AGAP1: variants seen among roughly 807,000 people sequenced by gnomAD.
AGAP1 encodes the protein ArfGAP with GTPase domain, ankyrin repeat and PH domain 1.
AGAP1 carries 29 observed loss-of-function variants against 105.3 expected under a neutral mutation model. The ratio of observed to expected loss-of-function variants is 0.28; its 90% CI spans 0.21 to 0.38. AGAP1 has a LOEUF of 0.38. AGAP1 is among the 10% of genes least tolerant of loss of function. The probability of loss-of-function intolerance (pLI) is 1.00; values close to 1 mark genes in which losing one functional copy is unlikely to be tolerated. For synonymous variants in AGAP1, 509 were observed against 485.9 expected (o/e 1.05, Z -0.63); for missense variants, 998 against 1,165.1 (o/e 0.86, Z 2.09).
intron 1 of AGAP1, among the ~76,000 whole-genome samples, chr2:235,496,844 C>G (rs1028003934): frequency 1.3e-5 from 2 of 151,764 alleles, no homozygotes; most frequent in South Asian, 2.1e-4. Flanking sequence ...ATTTTAGGCC[C>G]CTTCTTGGCC....
Position 235,739,444 on chromosome 2 carries a change from C to T in AGAP1, c.311-1519C>T, listed in dbSNP as rs1952447939. On this transcript the variant is annotated intron_variant, in intron 3 of 17. Transcript: ENST00000304032. This position sits in a 1 kb window ranked among gnomAD's most constrained non-coding sequence, Gnocchi z 5.3. ...TGTCTGGACCCAGCGGCCTGACTGG[C>T]CTGGATGTGTCCCCTGCTAACGGGC... Among the ~76,000 whole-genome samples the T allele has an allele frequency of 6.6e-6, 1 of 152,234 alleles. No individual in the cohort carries two copies. The highest frequency in any genetic ancestry group is 1.5e-5 in the Non-Finnish European group (1 of 68,048).
intron 1 of AGAP1, among the ~76,000 whole-genome samples, chr2:235,512,646 C>T (rs1354450501): frequency 6.6e-6 from 1 of 152,192 alleles, no homozygotes; most frequent in East Asian, 1.9e-4. Context: ...CTCCCCCATT[C>T]CTGCCTTGAT....
At chr2:235,837,168 A>G (rs1960267117) in intron 9 of AGAP1, among the ~76,000 whole-genome samples, 1 of 152,206 alleles carries the variant, frequency 6.6e-6, no homozygotes, top group Non-Finnish European at 1.5e-5. Context: ...TATTTTTAGT[A>G]GAGACAGGCT....
chr2:235,805,095 G>T (rs927871166), intron 8 of AGAP1, among the ~76,000 whole-genome samples: 12 of 152,338 alleles, frequency 7.9e-5, no homozygotes, highest in Middle Eastern at 3.4e-3. Context: ...TAATTGTGGG[G>T]CTGAGGTACA....
rs2054613455 is a variant in AGAP1, at chr2:235,970,844, G to A, written c.1645+2221G>A. Among the ~76,000 whole-genome samples, 1 of 152,208 alleles carries A rather than the reference G, an allele frequency of 6.6e-6. No homozygotes were observed. The highest frequency in any genetic ancestry group is 2.4e-5 in the African/African-American group (1 of 41,452). ...GCCTGATGTTTCAGGTCCACTTGCT[G>A]AGTGAGTGGGATGGTATGTGTGTGC... On this transcript the variant is annotated intron_variant, in intron 13 of 17. Coordinates refer to ENST00000304032, the MANE Select transcript of AGAP1 (RefSeq NM_001037131.3). This position sits in a 1 kb window ranked among gnomAD's most constrained non-coding sequence, Gnocchi z 5.4.
In AGAP1 at chr2:235,577,684, G is replaced by A. The variant is rs996442420; in HGVS notation, c.163+82835G>A. ...ATTCGGAACATTCGCCGAGTGGAAC[G>A]TGTGTGTCGTCATCCCCTCGAAGGC... is the stretch of plus-strand genomic sequence containing the variant. On this transcript the variant is annotated intron_variant, in intron 1 of 17. Transcript: ENST00000304032. This position sits in a 1 kb window ranked among gnomAD's most constrained non-coding sequence, Gnocchi z 4.5. Among the ~76,000 whole-genome samples the A allele has an allele frequency of 4.6e-5, 7 of 152,152 alleles. No homozygotes were observed. Among genetic ancestry groups the A allele is most frequent in the Non-Finnish European group, 5.9e-5 (4 of 68,040 alleles).
chr2:235,922,472 C>A (rs1036045864), intron 11 of AGAP1, among the ~76,000 whole-genome samples: 1 of 152,094 alleles, frequency 6.6e-6, no homozygotes, highest in African/African-American at 2.4e-5. Context: ...TATTATTTTC[C>A]TAGTTAAATG....
In AGAP1 at chr2:235,855,846, G is replaced by A. The variant is rs866702672; in HGVS notation, c.1051-27499G>A. Among the ~76,000 whole-genome samples the A allele has an allele frequency of 5.3e-5, 8 of 152,220 alleles. No homozygotes were observed. The highest frequency in any genetic ancestry group is 1.2e-4 in the African/African-American group (5 of 41,512). On this transcript the variant is annotated intron_variant, in intron 9 of 17. Coordinates refer to ENST00000304032, the MANE Select transcript of AGAP1 (RefSeq NM_001037131.3). The surrounding 1 kb of genome is among the most constrained non-coding windows in gnomAD (Gnocchi z 5.0). The stretch of plus-strand genomic sequence containing the variant: ...TACCCTATGAGGTCTCTAGATGCAC[G>A]GAGGCTACTGCATTCCCAGGGGGTC...
Position 235,744,649 on chromosome 2 carries a change from C to T in AGAP1, c.397-49C>T, listed in dbSNP as rs747025468. 12 of 1,609,650 alleles carry T rather than the reference C, an allele frequency of 7.5e-6. No individual in the cohort carries two copies. The highest frequency in any genetic ancestry group is 9.3e-6 in the Non-Finnish European group (11 of 1,177,188). On this transcript the variant is annotated intron_variant, in intron 4 of 17. Coordinates refer to ENST00000304032, the MANE Select transcript of AGAP1 (RefSeq NM_001037131.3). The surrounding 1 kb of genome is among the most constrained non-coding windows in gnomAD (Gnocchi z 5.2). The stretch of plus-strand genomic sequence containing the variant: ...CCATGCAGACATCTCTGTTCTTAAT[C>T]AAGCCTGCTCACTCAGCTCCTGCTC...
At chr2:235,501,363 T>C (rs982454760) in intron 1 of AGAP1, among the ~76,000 whole-genome samples, 1 of 152,204 alleles carries the variant, frequency 6.6e-6, no homozygotes, top group South Asian at 2.1e-4. Context: ...ATATTTAGAT[T>C]GGGTTCTTCA....
rs561805036 is a variant in AGAP1, at chr2:235,802,963, T to C, written c.957+3441T>C. On this transcript the variant is annotated intron_variant, in intron 8 of 17. Coordinates refer to ENST00000304032, the MANE Select transcript of AGAP1 (RefSeq NM_001037131.3). ...GTTGTAATGGTGGTGATGATGGTTG[T>C]GATGATGGTTGTGGTTGTGATGGTT... Among the ~76,000 whole-genome samples, 6 of 150,810 alleles carry C rather than the reference T, an allele frequency of 4.0e-5. No individual in the cohort carries two copies. The South Asian group carries it at 8.4e-4, about 21-fold the overall frequency.
chr2:235,807,753 T>C (rs1254411059), intron 9 of AGAP1, among the ~76,000 whole-genome samples: 1 of 152,218 alleles, frequency 6.6e-6, no homozygotes, highest in Non-Finnish European at 1.5e-5. Context: ...TGTTTCAGGC[T>C]GGTTTGTAAC....
chr2:235,744,671 G>A lies in AGAP1; in HGVS notation c.397-27G>A. 1.9e-6 allele frequency: 3 copies of A among 1,613,674 alleles called. No homozygotes were observed. The highest frequency in any genetic ancestry group is 2.5e-6 in the Non-Finnish European group (3 of 1,179,782). ...AATCAAGCCTGCTCACTCAGCTCCT[G>A]CTCTCCTCCCCTTCTTCTCTCCCTA... On this transcript the variant is annotated intron_variant, in intron 4 of 17. Coordinates refer to ENST00000304032, the MANE Select transcript of AGAP1 (RefSeq NM_001037131.3). This position sits in a 1 kb window ranked among gnomAD's most constrained non-coding sequence, Gnocchi z 5.2.
intron 1 of AGAP1, among the ~76,000 whole-genome samples, chr2:235,512,353 T>C (rs1193241949): frequency 1.3e-5 from 2 of 152,148 alleles, no homozygotes; most frequent in Non-Finnish European, 2.9e-5. Context: ...TCCCAACACT[T>C]TGGGAGACCG....
chr2:235,711,296 G>T lies in AGAP1; in HGVS notation c.222+2059G>T, dbSNP rs181715625. 6.5e-4 allele frequency among the ~76,000 whole-genome samples: 99 copies of T among 152,350 alleles called. 2 individuals are homozygous for T. In the East Asian group the frequency reaches 0.017, roughly 26 times the overall value. ...CTACTGCCAGCATTACAGACTAACTGATCGTCAAGTATTGAACCACCTGAC... is the reference window on the plus strand; with the variant it reads ...CTACTGCCAGCATTACAGACTAACTTATCGTCAAGTATTGAACCACCTGAC... On this transcript the variant is annotated intron_variant, in intron 2 of 17. Transcript: ENST00000304032.
rs1223736773 is a variant in AGAP1, at chr2:235,976,913, G to A, written c.1645+8290G>A. Among the ~76,000 whole-genome samples the A allele has an allele frequency of 6.6e-6, 1 of 152,174 alleles. No homozygotes were observed. The highest frequency in any genetic ancestry group is 1.9e-4 in the East Asian group (1 of 5,196). The stretch of plus-strand genomic sequence containing the variant: ...TAAAGAGGTGGCTTGGAGCTCCTGG[G>A]GGTACCTAGGCAACTCCTGACGCCA... On this transcript the variant is annotated intron_variant, in intron 13 of 17. Transcript: ENST00000304032. The surrounding 1 kb of genome is among the most constrained non-coding windows in gnomAD (Gnocchi z 4.5).
rs1316327326 is a variant in AGAP1, at chr2:235,992,927, G to A, written c.1645+24304G>A. Among the ~76,000 whole-genome samples the A allele has an allele frequency of 6.6e-6, 1 of 152,174 alleles. No individual in the cohort carries two copies. Among genetic ancestry groups the A allele is most frequent in the South Asian group, 2.1e-4 (1 of 4,828 alleles). ...TCTCCTTGACCTCCTCCCTACCTGGGAGAACCTGGCTGGCCACATAGTGGA... is the reference window on the plus strand; with the variant it reads ...TCTCCTTGACCTCCTCCCTACCTGGAAGAACCTGGCTGGCCACATAGTGGA... On this transcript the variant is annotated intron_variant, in intron 13 of 17. Transcript: ENST00000304032. The surrounding 1 kb of genome is among the most constrained non-coding windows in gnomAD (Gnocchi z 4.8).
rs1952563419 is a variant in AGAP1, at chr2:235,741,232, C to G, written c.396+184C>G. ...AGCTAATTCTTTTTTTATTTTTTTC[C>G]CAGACTAAATCCTGCAGGGAAGTTG... On this transcript the variant is annotated intron_variant, in intron 4 of 17. Coordinates refer to ENST00000304032, the MANE Select transcript of AGAP1 (RefSeq NM_001037131.3). The surrounding 1 kb of genome is among the most constrained non-coding windows in gnomAD (Gnocchi z 4.9). Among the ~76,000 whole-genome samples the G allele has an allele frequency of 6.6e-6, 1 of 151,768 alleles. No individual in the cohort carries two copies. The highest frequency in any genetic ancestry group is 2.1e-4 in the South Asian group (1 of 4,812).
In AGAP1 at chr2:235,900,525, C is replaced by CCCCTTGATT. The variant is rs1559625011; in HGVS notation, c.1156-8210_1156-8202dup. Among the ~76,000 whole-genome samples, 1 of 151,964 alleles carries CCCCTTGATT rather than the reference C, an allele frequency of 6.6e-6. No homozygotes were observed. The highest frequency in any genetic ancestry group is 2.4e-5 in the African/African-American group (1 of 41,356). On this transcript the variant is annotated intron_variant, in intron 10 of 17. Coordinates refer to ENST00000304032, the MANE Select transcript of AGAP1 (RefSeq NM_001037131.3). This position sits in a 1 kb window ranked among gnomAD's most constrained non-coding sequence, Gnocchi z 5.5. ...GTGAGTGGTGCCACTTCCATTTCTG[C>CCCCTTGATT]CCCTTGATTCCTGGACCTGTGAATC...
Sources: gnomAD v4.1 joint callset for allele counts (sites outside exome capture counted in the v4.1 genomes callset) on GRCh38, gnomAD v4.1.1 for gene constraint, Gnocchi (gnomAD v3.1) non-coding constraint, MANE v1.5 for transcripts, NCBI Gene and HGNC (gene_info 2026-07-23, HGNC 2026-07-21) for gene names.